MINK1: variants seen among roughly 807,000 people sequenced by gnomAD.
MINK1 encodes the protein misshapen like kinase 1, also known as misshapen-like kinase 1.
Under a neutral mutation model 178.4 loss-of-function variants are expected in MINK1, and 46 were observed. The ratio of observed to expected loss-of-function variants is 0.26; its 90% CI spans 0.20 to 0.33. The LOEUF (loss-of-function observed/expected upper bound fraction) is 0.33, where lower values mean the gene tolerates loss of function less well. Ranked by LOEUF, MINK1 falls within the 10% of genes least tolerant of loss-of-function variation. MINK1 has a pLI of 1.00. For missense variants in MINK1, 1,366 were observed against 1,814.9 expected (o/e 0.75, Z 4.49); for synonymous variants, 797 against 709.7 (o/e 1.12, Z -1.96).
At position 4,843,275 on chromosome 17, in the gene MINK1, G is replaced by A. The variant is rs111680826; in HGVS notation, c.57+9635G>A. 1.6e-3 allele frequency among the ~76,000 whole-genome samples: 248 copies of A among 152,158 alleles called. 1 individual carries two copies. The highest frequency in any genetic ancestry group is 6.8e-3 in the Middle Eastern group (2 of 294). ...GCAGATTACTTGAGGTCAGGAGTTC[G>A]AGACCAGCCTGGCCAACATAGTGAA... On this transcript the variant is annotated intron_variant, in intron 1 of 31. Transcript: ENST00000355280.
chr17:4,891,046 C>G lies in MINK1; in HGVS notation c.1662C>G (p.Ala554=). Residue 554 remains alanine, a synonymous_variant, in exon 15 of 32, where the codon GCC becomes GCG. Transcript: ENST00000355280. ...GGCCTGAGCCCCCCATCCCCCAGGC[C>G]TCCCCAGGGCCCCCAGGACCCCTTT... is the stretch of plus-strand genomic sequence containing the variant. ...STGPEPPIPQ[A]SPGPPGPLSQ... 1 of 1,555,576 alleles carries G rather than the reference C, an allele frequency of 6.4e-7. No homozygotes were observed. The highest frequency in any genetic ancestry group is 8.7e-7 in the Non-Finnish European group (1 of 1,149,790).
At chr17:4,872,726 C>T (rs973443873) in intron 1 of MINK1, among the ~76,000 whole-genome samples, 3 of 151,772 alleles carry the variant, frequency 2.0e-5, no homozygotes, top group Non-Finnish European at 4.4e-5. Flanking sequence ...GAGCTGGGAT[C>T]GTGGCACTGC....
At chr17:4,881,080 G>T (rs375228893) in intron 3 of MINK1, 40 bp downstream of exon 3, 1 of 1,535,966 alleles carries the variant, frequency 6.5e-7, no homozygotes, top group Non-Finnish European at 8.7e-7. Context: ...TCGGACCAGC[G>T]AGAAGGGAGT....
rs984306100 is a variant in MINK1 at position 4,893,597 on chromosome 17, G to A, written c.2564G>A (p.Arg855His). Residue 855 changes from arginine (R) to histidine (H), a missense_variant and splice_region_variant, in exon 21 of 32, where the codon CGC becomes CAC. Arg to His is a conservative substitution (Grantham distance 29). This residue lies in a region of MINK1 where 709 missense variants were observed against 692.3 expected (regional missense o/e 1.02). Transcript: ENST00000355280. ...AEGSRDTPGG[R>H]SDGDTDSVST... ...GGGAGCAGAGATACCCCTGGGGGCC[G>A]GTACGGCATCGGGAGTGGGGCCCTC... 3.3e-6 allele frequency: 5 copies of A among 1,530,184 alleles called. No homozygotes were observed. Among genetic ancestry groups the A allele is most frequent in the East Asian group, 2.3e-5 (1 of 43,852 alleles). 94.8% of individuals were successfully genotyped at this position (1,530,184 alleles called of 1,614,324 possible). A position where few individuals can be genotyped will look rare whatever the true frequency, so the allele number is the denominator to read the frequency against.
rs1184639663 is a variant in MINK1 at position 4,885,398 on chromosome 17, C to T, written c.509-85C>T. 26 of 1,555,514 alleles carry T rather than the reference C, an allele frequency of 1.7e-5. No homozygotes were observed. The highest frequency in any genetic ancestry group is 3.5e-6 in the Non-Finnish European group (4 of 1,142,574). Reference sequence around the variant, plus strand: ...GGGCCAGGACCACAGCTGGCTCAGGCAAGTCCTGTGTGTGCACGCAGGGAT... The same window carrying T: ...GGGCCAGGACCACAGCTGGCTCAGGTAAGTCCTGTGTGTGCACGCAGGGAT... On this transcript the variant is annotated intron_variant, in intron 6 of 31. Coordinates refer to ENST00000355280, the MANE Select transcript of MINK1 (RefSeq NM_153827.5). The surrounding 1 kb of genome is among the most constrained non-coding windows in gnomAD (Gnocchi z 5.0).
At chr17:4,861,082 C>T (rs1914096973) in intron 1 of MINK1, among the ~76,000 whole-genome samples, 4 of 152,030 alleles carry the variant, frequency 2.6e-5, no homozygotes, top group Admixed American at 2.0e-4. Flanking sequence ...CTCTGTCTGG[C>T]GTTGAATCAT....
intron 2 of MINK1, 113 bp downstream of exon 2, chr17:4,878,495 A>G: frequency 1.0e-6 from 1 of 955,048 alleles, no homozygotes; most frequent in South Asian, 1.4e-5. Context: ...GGGAGATGCT[A>G]GAGTCTAGGG....
chr17:4,845,922 G>C (rs953160041), intron 1 of MINK1, among the ~76,000 whole-genome samples: 1 of 152,240 alleles, frequency 6.6e-6, no homozygotes, highest in Non-Finnish European at 1.5e-5. Flanking sequence ...GATTGCAGGC[G>C]TGAGCCACCG....
rs1968020950 is a variant in MINK1, at chr17:4,884,541, G to T, written c.417+68G>T. 6 of 1,193,554 alleles carry T rather than the reference G, an allele frequency of 5.0e-6. No homozygotes were observed. The South Asian group carries it at 7.5e-5, about 15-fold the overall frequency. 73.9% of individuals were successfully genotyped at this position (1,193,554 alleles called of 1,614,324 possible). ...TGGCTGGAGTTTCTCCATGAGCAAA[G>T]ATCCTCCCTGCGCTGGGAGGAGACA... On this transcript the variant is annotated intron_variant, in intron 5 of 31. Transcript: ENST00000355280.
chr17:4,884,291 G>A, intron 4 of MINK1, 72 bp from the exon 5 acceptor site: 1 of 1,191,774 alleles, frequency 8.4e-7, no homozygotes, highest in Middle Eastern at 2.1e-4. Context: ...GAGTCTAGCA[G>A]GGGATTGGGG....
chr17:4,886,214 T>A lies in MINK1; in HGVS notation c.773+16T>A. 6.2e-7 allele frequency: 1 copy of A among 1,612,794 alleles called. No homozygotes were observed. Among genetic ancestry groups the A allele is most frequent in the Non-Finnish European group, 8.5e-7 (1 of 1,178,836 alleles). ...CCAAGAAGTGGTAGGTCTCTGAGAG[T>A]GTGGGCTCTGGGAAGGAAGGTCCCT... On this transcript the variant is annotated intron_variant, in intron 9 of 31. Coordinates refer to ENST00000355280, the MANE Select transcript of MINK1 (RefSeq NM_153827.5). This position sits in a 1 kb window ranked among gnomAD's most constrained non-coding sequence, Gnocchi z 6.1.
Position 4,891,073 on chromosome 17 carries a change from C to G in MINK1, c.1689C>G (p.Ser563=). The change falls in exon 15 of 32, where the codon TCC becomes TCG. Residue 563 remains serine (S), a synonymous_variant. Coordinates refer to ENST00000355280, the MANE Select transcript of MINK1 (RefSeq NM_153827.5). Reference sequence around the variant, plus strand: ...CCCCAGGGCCCCCAGGACCCCTTTCCCAGACTCCTCCTATGCAGAGGCCGG... The same window carrying G: ...CCCCAGGGCCCCCAGGACCCCTTTCGCAGACTCCTCCTATGCAGAGGCCGG... ...QASPGPPGPL[S]QTPPMQRPVE... The G allele has an allele frequency of 6.4e-7, 1 of 1,553,414 alleles. No individual in the cohort carries two copies. Among genetic ancestry groups the G allele is most frequent in the Non-Finnish European group, 8.7e-7 (1 of 1,148,734 alleles).
In MINK1 at chr17:4,897,392, G is replaced by A. The variant is rs1321765036; in HGVS notation, c.*105G>A. The A allele has an allele frequency of 3.8e-6, 4 of 1,059,908 alleles. No homozygotes were observed. Among genetic ancestry groups the A allele is most frequent in the South Asian group, 2.9e-5 (2 of 69,540 alleles). 65.7% of individuals were successfully genotyped at this position (1,059,908 alleles called of 1,614,324 possible). A position where few individuals can be genotyped will look rare whatever the true frequency, so the allele number is the denominator to read the frequency against. ...CCCTCCCTGGGCTTTTGCTTTTACT[G>A]GTTTGATTTCACTGGAGCCTGCTGG... On this transcript the variant is annotated 3_prime_UTR_variant, in exon 32 of 32. Coordinates refer to ENST00000355280, the MANE Select transcript of MINK1 (RefSeq NM_153827.5).
chr17:4,884,243 T>TA (rs937554105), intron 4 of MINK1, 120 bp from the exon 5 acceptor site: 19 of 724,296 alleles, frequency 2.6e-5, no homozygotes, highest in Non-Finnish European at 4.6e-5. Flanking sequence ...CTCTAGCTCA[T>TA]ACCAGTTCTA....
At position 4,897,333 on chromosome 17, in the gene MINK1, C is replaced by A. The variant is rs1351164942; in HGVS notation, c.*46C>A. ...GTCCCACACTGGACCCAGCTCTCCC[C>A]CTGCAGCCAGGCTTCCCGGGCCGCC... On this transcript the variant is annotated 3_prime_UTR_variant, in exon 32 of 32. Transcript: ENST00000355280. 1.9e-6 allele frequency: 3 copies of A among 1,580,464 alleles called. No homozygotes were observed. The highest frequency in any genetic ancestry group is 1.7e-5 in the Admixed American group (1 of 58,918).
At chr17:4,851,552 G>A (rs1279967068) in intron 1 of MINK1, among the ~76,000 whole-genome samples, 4 of 152,046 alleles carry the variant, frequency 2.6e-5, no homozygotes, top group East Asian at 1.9e-4. Context: ...GCCTCTGCCC[G>A]TTTCCTTCTC....
chr17:4,835,236 C>G (rs922202245), intron 1 of MINK1, among the ~76,000 whole-genome samples: 4 of 152,180 alleles, frequency 2.6e-5, no homozygotes, highest in Non-Finnish European at 5.9e-5. Context: ...CCTTAATGTG[C>G]TCCATTCTGG....
At chr17:4,875,012 G>A in intron 1 of MINK1, 1 of 519,470 alleles carries the variant, frequency 1.9e-6, no homozygotes, top group Non-Finnish European at 3.9e-6. Context: ...GGAGTGTTCA[G>A]AAAATTATGA....
chr17:4,837,294 G>A (rs1597363195), intron 1 of MINK1, among the ~76,000 whole-genome samples: 1 of 152,176 alleles, frequency 6.6e-6, no homozygotes, highest in African/African-American at 2.4e-5. Flanking sequence ...CACATAATGG[G>A]GGCTCAAACG....
Sources: allele counts gnomAD v4.1 joint callset (sites outside exome capture counted in the v4.1 genomes callset), GRCh38; gene constraint gnomAD v4.1.1; regional missense constraint gnomAD v4.1.1; non-coding constraint Gnocchi (gnomAD v3.1); transcripts MANE v1.5; gene names NCBI Gene and HGNC (gene_info 2026-07-23, HGNC 2026-07-21).